The following LRMDA variants were observed in gnomAD, a reference collection of about 807,000 sequenced individuals.
The protein encoded by LRMDA is leucine rich melanocyte differentiation associated.
In LRMDA, 18 loss-of-function variants were observed where a neutral mutation model predicts 29.8. That is an observed-to-expected ratio of 0.60 (90% confidence interval 0.42 to 0.90). The LOEUF (loss-of-function observed/expected upper bound fraction) is 0.90. Among genes scored for constraint, LRMDA ranks in the 40% least tolerant of loss-of-function variants. The pLI is 0.00. For synonymous variants in LRMDA, 125 were observed against 109.4 expected (o/e 1.14, Z -0.89); for missense variants, 273 against 273.9 (o/e 1.00, Z 0.02).
rs541679744 is a variant in LRMDA at position 76,251,345 on chromosome 10, C to A, written c.517-73056C>A. ...TCGGCTCACTGCAAGCTCCGCTTCC[C>A]GGGTTCACGCCATTCTCCTGCCTCA... On this transcript the variant is annotated intron_variant, in intron 5 of 6. Transcript: ENST00000611255. Among the ~76,000 whole-genome samples the A allele has an allele frequency of 5.4e-5, 8 of 148,176 alleles. No homozygotes were observed. In the East Asian group the frequency reaches 1.6e-3, roughly 30 times the overall value.
chr10:76,539,213 G>A (rs1054028533), intron 6 of LRMDA, among the ~76,000 whole-genome samples: 1 of 152,152 alleles, frequency 6.6e-6, no homozygotes, highest in Non-Finnish European at 1.5e-5. Flanking sequence ...GCAAGGAAGA[G>A]TACAAGGGTT....
intron 6 of LRMDA, among the ~76,000 whole-genome samples, chr10:76,472,265 G>T (rs1311773932): frequency 6.6e-6 from 1 of 151,708 alleles, no homozygotes; most frequent in Non-Finnish European, 1.5e-5. Context: ...AATAAATTTG[G>T]GGAATTCTCA....
chr10:75,621,226 C>A (rs185319557), intron 2 of LRMDA, among the ~76,000 whole-genome samples: 1,752 of 116,742 alleles, frequency 0.015, 18 homozygotes, highest in African/African-American at 0.044. Flanking sequence ...ACACACACAC[C>A]CACACACCCA....
At chr10:76,205,031 T>A (rs1589375469) in intron 5 of LRMDA, among the ~76,000 whole-genome samples, 1 of 152,270 alleles carries the variant, frequency 6.6e-6, no homozygotes, top group South Asian at 2.1e-4. Context: ...GTCATTTTCA[T>A]AGTACTTAAG....
chr10:76,150,568 G>A (rs1488213230), intron 5 of LRMDA, among the ~76,000 whole-genome samples: 2 of 152,208 alleles, frequency 1.3e-5, no homozygotes, highest in Non-Finnish European at 2.9e-5. Flanking sequence ...GTTAAATGAA[G>A]TCTTCACAAC....
intron 5 of LRMDA, among the ~76,000 whole-genome samples, chr10:76,193,044 A>G (rs556487003): frequency 1.3e-5 from 2 of 152,214 alleles, no homozygotes; most frequent in African/African-American, 2.4e-5. Flanking sequence ...TAAATGCTAT[A>G]TAAAATGCTT....
chr10:75,946,483 G>A (rs1846478396), intron 2 of LRMDA, among the ~76,000 whole-genome samples: 1 of 152,204 alleles, frequency 6.6e-6, no homozygotes, highest in Non-Finnish European at 1.5e-5. Flanking sequence ...TGGTGCACCA[G>A]CCATAAATCC....
At chr10:75,662,307 C>A (rs1199735372) in intron 2 of LRMDA, among the ~76,000 whole-genome samples, 1 of 152,172 alleles carries the variant, frequency 6.6e-6, no homozygotes, top group African/African-American at 2.4e-5. Context: ...GGTTTGCATT[C>A]TATCCCATCT....
At chr10:75,460,249 A>G (rs1844569379) in intron 2 of LRMDA, among the ~76,000 whole-genome samples, 1 of 152,258 alleles carries the variant, frequency 6.6e-6, no homozygotes, top group South Asian at 2.1e-4. Context: ...TGATTGCGTA[A>G]GTTAATATAC....
Position 75,897,049 on chromosome 10 carries a change from T to C in LRMDA, c.132-138959T>C, listed in dbSNP as rs140351814. ...CAGATTTACACTGGTTATAAATCTC[T>C]GAAATTAAGGTCTTACCGTAGAAAA... On this transcript the variant is annotated intron_variant, in intron 2 of 6. Coordinates refer to ENST00000611255, the MANE Select transcript of LRMDA (RefSeq NM_001305581.2). 4.6e-3 allele frequency among the ~76,000 whole-genome samples: 708 copies of C among 152,288 alleles called. 10 individuals are homozygous for C. Among genetic ancestry groups the C allele is most frequent in the African/African-American group, 0.016 (679 of 41,552 alleles).
intron 2 of LRMDA, among the ~76,000 whole-genome samples, chr10:75,740,213 C>T (rs560651046): frequency 5.9e-5 from 9 of 152,330 alleles, no homozygotes; most frequent in Admixed American, 5.9e-4. Flanking sequence ...ACATCAATTT[C>T]CCCTGTAGAT....
At chr10:75,582,686 C>A (rs574290111) in intron 2 of LRMDA, among the ~76,000 whole-genome samples, 29 of 152,328 alleles carry the variant, frequency 1.9e-4, no homozygotes, top group Middle Eastern at 3.4e-3. Flanking sequence ...ATGCAAATTT[C>A]TGCAGCCTGC....
chr10:75,750,424 C>T (rs922017946), intron 2 of LRMDA, among the ~76,000 whole-genome samples: 2 of 149,436 alleles, frequency 1.3e-5, no homozygotes, highest in Non-Finnish European at 1.5e-5. Flanking sequence ...CAGAGACACT[C>T]CTCAGTTCCC....
intron 2 of LRMDA, among the ~76,000 whole-genome samples, chr10:75,867,969 C>T (rs1845047524): frequency 6.6e-6 from 1 of 152,092 alleles, no homozygotes; most frequent in Non-Finnish European, 1.5e-5. Flanking sequence ...TCATATAATT[C>T]CCCAGGTCAC....
chr10:76,322,745 T>A (rs933364478), intron 5 of LRMDA, among the ~76,000 whole-genome samples: 1 of 152,188 alleles, frequency 6.6e-6, no homozygotes, highest in Non-Finnish European at 1.5e-5. Flanking sequence ...TTTGGGTCTT[T>A]TTTTTAGCAA....
At position 76,424,539 on chromosome 10, in the gene LRMDA, AAAAAACAAAAAC is replaced by A. The variant is rs775516160; in HGVS notation, c.601+100068_601+100079del. ...GGGCCACAGAGCAAGACTCCATCTC[AAAAAACAAAAAC>A]AAAAACAAAAACAGGTAGGACCACA... On this transcript the variant is annotated intron_variant, in intron 6 of 6. Transcript: ENST00000611255. 2.0e-5 allele frequency among the ~76,000 whole-genome samples: 3 copies of A among 152,332 alleles called. No homozygotes were observed. The South Asian group carries it at 6.2e-4, about 32-fold the overall frequency.
chr10:75,483,617 G>A (rs1460152989), intron 2 of LRMDA, among the ~76,000 whole-genome samples: 2 of 152,080 alleles, frequency 1.3e-5, no homozygotes, highest in Admixed American at 1.3e-4. Context: ...AAATAAAAGG[G>A]CTTGTAAGTC....
At chr10:75,547,534 G>C (rs1840094410) in intron 2 of LRMDA, among the ~76,000 whole-genome samples, 1 of 152,196 alleles carries the variant, frequency 6.6e-6, no homozygotes, top group African/African-American at 2.4e-5. Context: ...CACAATAAGT[G>C]CTGTGGAATG....
At chr10:75,996,372 C>T (rs1847462129) in intron 2 of LRMDA, among the ~76,000 whole-genome samples, 1 of 152,152 alleles carries the variant, frequency 6.6e-6, no homozygotes. Context: ...AGGAGGAATC[C>T]AGGTCAATTT....
Sources: allele counts gnomAD v4.1 joint callset (sites outside exome capture counted in the v4.1 genomes callset), GRCh38; gene constraint gnomAD v4.1.1; transcripts MANE v1.5; gene names NCBI Gene and HGNC (gene_info 2026-07-23, HGNC 2026-07-21).